The following VTI1A variants were observed in gnomAD, a reference collection of about 807,000 sequenced individuals.
VTI1A encodes the protein vesicle transport through interaction with t-SNAREs homolog 1A.
Under a neutral mutation model 34.9 loss-of-function variants are expected in VTI1A, and 22 were observed. The observed-to-expected ratio is 0.63, with a 90% CI of 0.45 to 0.90. VTI1A has a LOEUF of 0.90. VTI1A is among the 40% of genes least tolerant of loss of function. VTI1A has a pLI of 0.00. For synonymous variants in VTI1A, 87 were observed against 97.3 expected, an observed-to-expected ratio of 0.89 and a Z score of 0.62; for missense variants, 268 against 275.6, an observed-to-expected ratio of 0.97 and a Z score of 0.20.
intron 5 of VTI1A, among the ~76,000 whole-genome samples, chr10:112,637,741 A>G (rs574655352): frequency 6.6e-6 from 1 of 152,350 alleles, no homozygotes; most frequent in Non-Finnish European, 1.5e-5. Flanking sequence ...AAAGTAAAGT[A>G]AAATTGTAAA....
At chr10:112,482,914 T>G (rs188414662) in intron 3 of VTI1A, among the ~76,000 whole-genome samples, 104 of 152,332 alleles carry the variant, frequency 6.8e-4, no homozygotes, top group Admixed American at 2.0e-3. Context: ...ACTCAAGGTA[T>G]TCTGTCTTTT....
chr10:112,556,511 C>T (rs1263609147), intron 5 of VTI1A, among the ~76,000 whole-genome samples: 1 of 151,986 alleles, frequency 6.6e-6, no homozygotes, highest in African/African-American at 2.4e-5. Flanking sequence ...TGGTCTCATT[C>T]AGTGTAGACA....
intron 3 of VTI1A, among the ~76,000 whole-genome samples, chr10:112,524,844 A>G (rs1337439810): frequency 2.0e-5 from 3 of 152,196 alleles, no homozygotes; most frequent in Non-Finnish European, 4.4e-5. Context: ...GGCAGCTCTG[A>G]TACCACAGCC....
chr10:112,519,339 A>G (rs1849926093), intron 3 of VTI1A, among the ~76,000 whole-genome samples: 1 of 152,128 alleles, frequency 6.6e-6, no homozygotes, highest in African/African-American at 2.4e-5. Context: ...ATTAATCTTG[A>G]AACTTGTCTA....
chr10:112,492,979 A>C (rs568999164), intron 3 of VTI1A, among the ~76,000 whole-genome samples: 1 of 152,174 alleles, frequency 6.6e-6, no homozygotes, highest in African/African-American at 2.4e-5. Flanking sequence ...ATTCCATGTG[A>C]CCACTGACCT....
chr10:112,682,937 A>C (rs1848270520), intron 7 of VTI1A, among the ~76,000 whole-genome samples: 1 of 152,200 alleles, frequency 6.6e-6, no homozygotes, highest in South Asian at 2.1e-4. Context: ...TCTTTCACAC[A>C]CATAAAAAGT....
At chr10:112,551,060 T>A (rs531100369) in intron 5 of VTI1A, among the ~76,000 whole-genome samples, 1 of 151,996 alleles carries the variant, frequency 6.6e-6, no homozygotes, top group East Asian at 1.9e-4. Flanking sequence ...TGGCGAACAC[T>A]GTGAAACCCC....
At chr10:112,459,193 A>G (rs1847645687) in intron 1 of VTI1A, among the ~76,000 whole-genome samples, 1 of 152,248 alleles carries the variant, frequency 6.6e-6, no homozygotes, top group South Asian at 2.1e-4. Context: ...GCTTTTATAA[A>G]GTCAAGCCAT....
At chr10:112,538,439 T>A in intron 5 of VTI1A, 109 bp downstream of exon 5, 1 of 1,023,140 alleles carries the variant, frequency 9.8e-7, no homozygotes, top group Non-Finnish European at 1.5e-6. Flanking sequence ...CAGCCCGAGA[T>A]GTGGTTTACA....
intron 7 of VTI1A, among the ~76,000 whole-genome samples, chr10:112,710,059 C>T (rs1849355598): frequency 6.7e-6 from 1 of 148,742 alleles, no homozygotes. Flanking sequence ...ATAGGGTTAA[C>T]TCCTGGAGAA....
intron 7 of VTI1A, among the ~76,000 whole-genome samples, chr10:112,723,945 A>G (rs1038887083): frequency 2.6e-5 from 4 of 152,214 alleles, no homozygotes; most frequent in Non-Finnish European, 5.9e-5. Flanking sequence ...ACACTGGTGG[A>G]ATATTCCTAG....
intron 7 of VTI1A, among the ~76,000 whole-genome samples, chr10:112,804,504 C>T (rs1852994978): frequency 6.6e-6 from 1 of 152,070 alleles, no homozygotes; most frequent in Admixed American, 6.5e-5. Flanking sequence ...ATCCTCTCCT[C>T]CCTGGGGTGG....
chr10:112,745,569 A>G (rs1036045413), intron 7 of VTI1A, among the ~76,000 whole-genome samples: 3 of 152,202 alleles, frequency 2.0e-5, no homozygotes, highest in African/African-American at 7.2e-5. Context: ...AGACATGGAA[A>G]TGACTGTGGA....
chr10:112,645,942 GTT>G (rs71035394), intron 5 of VTI1A, among the ~76,000 whole-genome samples: 155 of 137,296 alleles, frequency 1.1e-3, no homozygotes, highest in African/African-American at 3.3e-3. Context: ...AATATACTGT[GTT>G]TTTTTTTTTT....
chr10:112,525,397 G>A (rs1283724203), intron 3 of VTI1A, among the ~76,000 whole-genome samples: 1 of 152,094 alleles, frequency 6.6e-6, no homozygotes, highest in Non-Finnish European at 1.5e-5. Flanking sequence ...TGCAATTCTT[G>A]TGCCTTTTTC....
chr10:112,625,526 G>T (rs532968029), intron 5 of VTI1A, among the ~76,000 whole-genome samples: 56 of 151,298 alleles, frequency 3.7e-4, no homozygotes, highest in Admixed American at 1.1e-3. Flanking sequence ...TGTAATCCCA[G>T]TTACTTGGGA....
intron 7 of VTI1A, among the ~76,000 whole-genome samples, chr10:112,684,369 T>C (rs907717993): frequency 2.6e-5 from 4 of 152,118 alleles, no homozygotes; most frequent in Non-Finnish European, 5.9e-5. Flanking sequence ...AGTGAAGCTA[T>C]GTATCTTCAT....
At chr10:112,543,722 G>A (rs1850957306) in intron 5 of VTI1A, among the ~76,000 whole-genome samples, 1 of 152,156 alleles carries the variant, frequency 6.6e-6, no homozygotes, top group African/African-American at 2.4e-5. Flanking sequence ...TGTTGCCATT[G>A]CTTTTGGTGT....
rs201655990 is a variant in VTI1A, at chr10:112,504,896, TA to T, written c.265-22190del. ...TTATGAGCAAGATGGAATGTCTTTT[TA>T]TATGTTTTCAGAAACCGTTCTTATG... On this transcript the variant is annotated intron_variant, in intron 3 of 7. Transcript: ENST00000393077. Among the ~76,000 whole-genome samples, 880 of 152,248 alleles carry T rather than the reference TA, an allele frequency of 5.8e-3. 7 individuals are homozygous for T. The highest frequency in any genetic ancestry group is 0.01 in the Middle Eastern group (3 of 294).
Sources: gnomAD v4.1 joint callset for allele counts (sites outside exome capture counted in the v4.1 genomes callset) on GRCh38, gnomAD v4.1.1 for gene constraint, MANE v1.5 for transcripts, NCBI Gene and HGNC (gene_info 2026-07-23, HGNC 2026-07-21) for gene names.